The following ZCCHC4 variants were observed in gnomAD, a reference collection of about 807,000 sequenced individuals.
ZCCHC4 encodes the protein zinc finger CCHC-type containing 4, also known as rRNA N(6)-adenosine-methyltransferase ZCCHC4.
Under a neutral mutation model 67.7 loss-of-function variants are expected in ZCCHC4, and 54 were observed. The observed-to-expected ratio is 0.80, with a 90% CI of 0.64 to 1.00. The LOEUF is 1.00. ZCCHC4 is among the 50% of genes least tolerant of loss of function. ZCCHC4 has a pLI of 0.00. For missense variants in ZCCHC4, 609 were observed against 617.0 expected, an observed-to-expected ratio of 0.99 and a Z score of 0.14; for synonymous variants, 198 against 213.5, an observed-to-expected ratio of 0.93 and a Z score of 0.63.
chr4:25,348,316 A>G (rs1203636289), intron 6 of ZCCHC4, among the ~76,000 whole-genome samples: 1 of 152,178 alleles, frequency 6.6e-6, no homozygotes, highest in Non-Finnish European at 1.5e-5. Context: ...AACAAAATAT[A>G]TTTTATTATA....
At chr4:25,363,026 C>G (rs898348307) in intron 10 of ZCCHC4, among the ~76,000 whole-genome samples, 27 of 152,176 alleles carry the variant, frequency 1.8e-4, no homozygotes, top group African/African-American at 5.6e-4. Flanking sequence ...CATTAACACC[C>G]TGAGCCCATA....
At chr4:25,365,709 C>T (rs906216265) in intron 12 of ZCCHC4, 2 of 984,752 alleles carry the variant, frequency 2.0e-6, no homozygotes, top group Non-Finnish European at 2.4e-6. Context: ...ATTTTCACAT[C>T]TCTCACCAAT....
At chr4:25,323,878 C>T (rs1172650102) in intron 3 of ZCCHC4, among the ~76,000 whole-genome samples, 2 of 152,110 alleles carry the variant, frequency 1.3e-5, no homozygotes, top group African/African-American at 4.8e-5. Flanking sequence ...GAAGTTTCTG[C>T]CTGCCCCAAT....
intron 10 of ZCCHC4, among the ~76,000 whole-genome samples, chr4:25,363,311 C>A (rs1274363011): frequency 6.6e-6 from 1 of 152,134 alleles, no homozygotes; most frequent in Admixed American, 6.5e-5. Flanking sequence ...TAGTAATAGG[C>A]ATTAAAGGTT....
chr4:25,345,657 T>A, intron 6 of ZCCHC4, 37 bp downstream of exon 6: 1 of 1,382,074 alleles, frequency 7.2e-7, no homozygotes, highest in Non-Finnish European at 1.0e-6. Context: ...GTTCTCTTAT[T>A]GTGGAATAAC....
chr4:25,341,600 A>G (rs1478957278), intron 5 of ZCCHC4, among the ~76,000 whole-genome samples: 1 of 152,188 alleles, frequency 6.6e-6, no homozygotes, highest in African/African-American at 2.4e-5. Context: ...TGATCCAAAT[A>G]AACCTCTTTT....
intron 3 of ZCCHC4, among the ~76,000 whole-genome samples, chr4:25,316,760 G>T (rs2109046274): frequency 6.6e-6 from 1 of 152,130 alleles, no homozygotes; most frequent in East Asian, 1.9e-4. Context: ...CTATTCTGTA[G>T]GTTGTCTTTT....
At chr4:25,353,031 AT>A (rs1186309452) in intron 8 of ZCCHC4, among the ~76,000 whole-genome samples, 1 of 152,194 alleles carries the variant, frequency 6.6e-6, no homozygotes, top group Non-Finnish European at 1.5e-5. Flanking sequence ...GTAGAAGACA[AT>A]TTTGAATTCT....
intron 5 of ZCCHC4, among the ~76,000 whole-genome samples, chr4:25,339,732 T>G (rs1281473114): frequency 6.6e-6 from 1 of 152,222 alleles, no homozygotes; most frequent in Non-Finnish European, 1.5e-5. Flanking sequence ...AAGTCCAGTT[T>G]TTCTTTTTTC....
intron 10 of ZCCHC4, 119 bp downstream of exon 10, chr4:25,362,420 C>A: frequency 1.8e-6 from 1 of 564,528 alleles, no homozygotes; most frequent in Non-Finnish European, 2.8e-6. Context: ...TATGTATTAT[C>A]ATTTATTAAT....
chr4:25,315,837 T>A (rs1262561053), intron 3 of ZCCHC4, among the ~76,000 whole-genome samples: 1 of 151,594 alleles, frequency 6.6e-6, no homozygotes, highest in Non-Finnish European at 1.5e-5. Flanking sequence ...CTCAGCCTCA[T>A]GAGTAGCTGG....
Position 25,324,969 on chromosome 4 carries a change from C to T in ZCCHC4, c.330-8214C>T, listed in dbSNP as rs188220663. Among the ~76,000 whole-genome samples the T allele has an allele frequency of 2.4e-4, 36 of 152,158 alleles. No individual in the cohort carries two copies. In the East Asian group the frequency reaches 5.4e-3, roughly 23 times the overall value. ...ATAATTTGAAATATTTTCGGCCGGG[C>T]GCGGTGGCTCACGCCTGTAATCCCA... On this transcript the variant is annotated intron_variant, in intron 3 of 12. Transcript: ENST00000302874.
chr4:25,326,670 A>G (rs1718900041), intron 3 of ZCCHC4, among the ~76,000 whole-genome samples: 1 of 152,110 alleles, frequency 6.6e-6, no homozygotes, highest in Non-Finnish European at 1.5e-5. Context: ...TTCCGCTATT[A>G]TAGGTCCTTT....
Position 25,369,442 on chromosome 4 carries a change from C to A in ZCCHC4, c.*278C>A, listed in dbSNP as rs1051743725. On this transcript the variant is annotated 3_prime_UTR_variant, in exon 13 of 13. Coordinates refer to ENST00000302874, the MANE Select transcript of ZCCHC4 (RefSeq NM_024936.3). ...TCACATTGTTCTATTTTTATGTTTT[C>A]ATTTTTTTTGAGATGGAGTCTTGCT... is the stretch of plus-strand genomic sequence containing the variant. 2.8e-6 allele frequency: 1 copy of A among 351,654 alleles called. No homozygotes were observed. The highest frequency in any genetic ancestry group is 5.1e-6 in the Non-Finnish European group (1 of 195,294). The allele number at this position is 351,654 out of a possible 1,614,324, so 21.8% of individuals were successfully genotyped here. A position where few individuals can be genotyped will look rare whatever the true frequency, so the allele number is the denominator to read the frequency against.
chr4:25,349,957 C>A (rs1193997472), intron 7 of ZCCHC4, among the ~76,000 whole-genome samples: 1 of 152,066 alleles, frequency 6.6e-6, no homozygotes, highest in Non-Finnish European at 1.5e-5. Flanking sequence ...CCACTGTGTG[C>A]CAGGCACTGT....
chr4:25,333,386 G>A lies in ZCCHC4; in HGVS notation c.533G>A (p.Arg178Gln), dbSNP rs776582518. 1.9e-6 allele frequency: 3 copies of A among 1,614,116 alleles called. No individual in the cohort carries two copies. Among genetic ancestry groups the A allele is most frequent in the East Asian group, 2.2e-5 (1 of 44,868 alleles). ...KTNAQYLFAD[R>Q]SCQFLVDLLS... Reference sequence around the variant, plus strand: ...AATGCCCAGTATCTGTTTGCTGATCGGAGCTGTCAGTTCTTGGTAGACTTA... The same window carrying A: ...AATGCCCAGTATCTGTTTGCTGATCAGAGCTGTCAGTTCTTGGTAGACTTA... Residue 178 changes from arginine (R) to glutamine (Q), a missense_variant, in exon 4 of 13, where the codon CGG becomes CAG. Transcript: ENST00000302874.
chr4:25,365,382 A>G lies in ZCCHC4; in HGVS notation c.1406+216A>G, dbSNP rs567059764. On this transcript the variant is annotated intron_variant, in intron 12 of 12. Coordinates refer to ENST00000302874, the MANE Select transcript of ZCCHC4 (RefSeq NM_024936.3). ...TACAGTTCTACAGCTTAGAGATGAA[A>G]ATAACCAAAATATGAGGTAGAAAGT... The G allele has an allele frequency of 1.2e-5, 16 of 1,343,512 alleles. No individual in the cohort carries two copies. The Admixed American group carries it at 2.6e-4, about 22-fold the overall frequency. 83.2% of individuals were successfully genotyped at this position (1,343,512 alleles called of 1,614,324 possible).
At chr4:25,361,528 GT>G (rs1720736505) in intron 8 of ZCCHC4, among the ~76,000 whole-genome samples, 1 of 152,232 alleles carries the variant, frequency 6.6e-6, no homozygotes, top group Non-Finnish European at 1.5e-5. Context: ...TGGAGCCATT[GT>G]TGTCTGTAAA....
chr4:25,321,054 C>A (rs935632958), intron 3 of ZCCHC4, among the ~76,000 whole-genome samples: 4 of 152,174 alleles, frequency 2.6e-5, no homozygotes, highest in African/African-American at 4.8e-5. Flanking sequence ...ATTTGAGTAA[C>A]AAAACCCGAT....
Sources: allele counts gnomAD v4.1 joint callset (sites outside exome capture counted in the v4.1 genomes callset), GRCh38; gene constraint gnomAD v4.1.1; transcripts MANE v1.5; gene names NCBI Gene and HGNC (gene_info 2026-07-23, HGNC 2026-07-21).